Variants in ANK2 observed in about 807,000 individuals in gnomAD.
ANK2 encodes ankyrin-2.
A neutral mutation model predicts 360.5 loss-of-function variants in ANK2; 83 were observed. The observed-to-expected ratio is 0.23, with a 90% confidence interval of 0.19 to 0.28. ANK2 has a LOEUF of 0.28. Among genes scored for constraint, ANK2 ranks in the 10% least tolerant of loss-of-function variants. The probability of loss-of-function intolerance (pLI) is 1.00; values close to 1 mark genes in which losing one functional copy is unlikely to be tolerated. For missense variants in ANK2, 4,201 were observed against 4,795.7 expected, an observed-to-expected ratio of 0.88 and a Z score of 3.66; for synonymous variants, 1,740 against 1,759.5, an observed-to-expected ratio of 0.99 and a Z score of 0.28.
At chr4:112,879,457 G>A (rs2076130296) in intron 1 of ANK2, among the ~76,000 whole-genome samples, 1 of 152,092 alleles carries the variant, frequency 6.6e-6, no homozygotes, top group African/African-American at 2.4e-5. Context: ...ATCTATCCCA[G>A]GCAAGCCTTC....
intron 2 of ANK2, among the ~76,000 whole-genome samples, chr4:112,984,158 A>ATACT (rs2044074047): frequency 1.3e-5 from 2 of 152,342 alleles, no homozygotes; most frequent in Admixed American, 1.3e-4. Flanking sequence ...TATTTATTTA[A>ATACT]TACTTATATC....
In ANK2 at chr4:113,354,916, C is replaced by A. The variant is rs577303232; in HGVS notation, c.6298C>A (p.Pro2100Thr). ...HKIPEPVQSV[P>T]EEESHRESEV... ...AATACCTGAACCTGTTCAGTCAGTG[C>A]CTGAAGAAGAAAGCCACAGAGAGAG... Residue 2100 changes from proline to threonine, a missense_variant, in exon 38 of 46, where the codon CCT (proline) becomes ACT (threonine). Pro to Thr is a conservative substitution (Grantham distance 38). Around this residue, in one of 4 missense-constraint regions of ANK2, gnomAD observed 2,642 missense variants for 2,714.5 expected, o/e 0.97. Transcript: ENST00000357077. 6.2e-7 allele frequency: 1 copy of A among 1,614,000 alleles called. No homozygotes were observed. The highest frequency in any genetic ancestry group is 1.3e-5 in the African/African-American group (1 of 75,000).
intron 1 of ANK2, among the ~76,000 whole-genome samples, chr4:113,169,735 GTTA>G (rs1562581542): frequency 1.3e-5 from 2 of 152,108 alleles, no homozygotes; most frequent in Non-Finnish European, 2.9e-5. Flanking sequence ...GACCTCCAGT[GTTA>G]TTTTTATTAT....
At chr4:112,993,081 G>A (rs1032242832) in intron 2 of ANK2, among the ~76,000 whole-genome samples, 1 of 151,768 alleles carries the variant, frequency 6.6e-6, no homozygotes, top group Non-Finnish European at 1.5e-5. Flanking sequence ...CCATGAATTC[G>A]AGACCAGCCT....
At chr4:113,306,029 T>A (rs1387786761) in intron 23 of ANK2, among the ~76,000 whole-genome samples, 1 of 152,202 alleles carries the variant, frequency 6.6e-6, no homozygotes, top group African/African-American at 2.4e-5. Flanking sequence ...AAGTAATCCA[T>A]AATATCCACT....
rs758274171 is a variant in ANK2 at position 113,345,967 on chromosome 4, G to A, written c.4316G>A (p.Gly1439Asp). The A allele has an allele frequency of 6.2e-7, 1 of 1,613,716 alleles. No homozygotes were observed. Residue 1439 changes from glycine to aspartate, a missense_variant, in exon 35 of 46, where the codon GGC (glycine) becomes GAC (aspartate). Physicochemically the swap from Gly to Asp is moderately conservative, Grantham distance 94 (BLOSUM62 -1). Transcript: ENST00000357077. ...ATGAAGGAGCCAAAATCCACGAGAG[G>A]CCTGGTGCATCAAGCTATTTGCAAC... ...SFMKEPKSTRGLVHQAICNLN... is the reference protein window; with the variant it reads ...SFMKEPKSTRDLVHQAICNLN...
the ANK2 span, among the ~76,000 whole-genome samples, chr4:112,714,286 A>T: frequency 4.6e-5 from 7 of 152,138 alleles, no homozygotes; most frequent in Non-Finnish European, 7.4e-5. Context: ...GGGCTCAAGC[A>T]ATCCTTCTGC....
At chr4:113,246,250 A>G (rs1180343380) in intron 9 of ANK2, among the ~76,000 whole-genome samples, 1 of 152,152 alleles carries the variant, frequency 6.6e-6, no homozygotes, top group Non-Finnish European at 1.5e-5. Context: ...TTTCTCATTC[A>G]TAAGGTTTTT....
chr4:112,721,078 G>A, the ANK2 span, among the ~76,000 whole-genome samples: 1 of 152,170 alleles, frequency 6.6e-6, no homozygotes, highest in African/African-American at 2.4e-5. Context: ...AGAAGCCCAT[G>A]TTTGCCAGCT....
At chr4:112,731,805 A>C in the ANK2 span, among the ~76,000 whole-genome samples, 2 of 152,200 alleles carry the variant, frequency 1.3e-5, no homozygotes, top group Non-Finnish European at 2.9e-5. Context: ...AAAGTGCAGA[A>C]GCAAGGTCTC....
At chr4:113,020,348 A>G (rs531619653) in intron 2 of ANK2, among the ~76,000 whole-genome samples, 32 of 152,070 alleles carry the variant, frequency 2.1e-4, no homozygotes, top group African/African-American at 7.5e-4. Flanking sequence ...TACTGCCCCA[A>G]GCTAATTTAT....
chr4:113,218,681 T>G (rs191717258), intron 4 of ANK2, among the ~76,000 whole-genome samples: 14 of 152,294 alleles, frequency 9.2e-5, no homozygotes, highest in African/African-American at 2.9e-4. Flanking sequence ...TTAGGTGTGT[T>G]TTTAAAAACT....
chr4:113,263,593 T>G (rs29415), intron 13 of ANK2, among the ~76,000 whole-genome samples: 5,072 of 152,318 alleles, frequency 0.033, 111 homozygotes, highest in East Asian at 0.068. Flanking sequence ...AAATTAAAGT[T>G]CACCTTAAAG....
chr4:112,782,052 A>T, the ANK2 span, among the ~76,000 whole-genome samples: 1 of 151,622 alleles, frequency 6.6e-6, no homozygotes, highest in Non-Finnish European at 1.5e-5. Flanking sequence ...CTAGTCTCGA[A>T]CTCCTGACCT....
chr4:112,868,061 A>G (rs1161508447), intron 1 of ANK2, among the ~76,000 whole-genome samples: 2 of 152,064 alleles, frequency 1.3e-5, no homozygotes, highest in African/African-American at 2.4e-5. Context: ...CCTCGCTAAC[A>G]TTTGTTATTA....
chr4:113,346,039 T>C lies in ANK2; in HGVS notation c.4371+17T>C. The C allele has an allele frequency of 6.2e-7, 1 of 1,612,770 alleles. No homozygotes were observed. On this transcript the variant is annotated intron_variant, in intron 35 of 45. Transcript: ENST00000357077. ...TATACAAAGGTATCGTAAAATCTGC[T>C]ATAGTGCAATTCAGGTAGAGTAGGA...
Position 113,358,756 on chromosome 4 carries a change from G to A in ANK2, c.10138G>A (p.Ala3380Thr), listed in dbSNP as rs1214453791. The A allele has an allele frequency of 1.9e-6, 3 of 1,613,968 alleles. No homozygotes were observed. Among genetic ancestry groups the A allele is most frequent in the African/African-American group, 2.7e-5 (2 of 74,898 alleles). ...AGTGGCTCCTCAGGGACAGGACATG[G>A]CAAGCATCGCACCAGATAATAGAAG... is the stretch of plus-strand genomic sequence containing the variant. Reference protein sequence around the residue: ...KTVAPQGQDMASIAPDNRSKS... With the variant: ...KTVAPQGQDMTSIAPDNRSKS... The change falls in exon 38 of 46, where the codon GCA becomes ACA. Residue 3380 changes from alanine (A) to threonine (T), a missense_variant. Around this residue, in one of 4 missense-constraint regions of ANK2, gnomAD observed 2,642 missense variants for 2,714.5 expected, o/e 0.97. Transcript: ENST00000357077.
At chr4:112,941,332 A>C (rs1212870542) in intron 2 of ANK2, among the ~76,000 whole-genome samples, 1 of 146,704 alleles carries the variant, frequency 6.8e-6, no homozygotes, top group Middle Eastern at 4.2e-3. Context: ...ATATAAATAT[A>C]CTACATATAA....
intron 18 of ANK2, 123 bp downstream of exon 18, chr4:113,282,995 C>T: frequency 9.2e-7 from 1 of 1,091,958 alleles, no homozygotes; most frequent in Middle Eastern, 2.8e-4. Context: ...ATCTTACAGA[C>T]CCCAAGGACA....
Sources: allele counts gnomAD v4.1 joint callset (sites outside exome capture counted in the v4.1 genomes callset), GRCh38; gene constraint gnomAD v4.1.1; regional missense constraint gnomAD v4.1.1; transcripts MANE v1.5; gene names NCBI Gene and HGNC (gene_info 2026-07-23, HGNC 2026-07-21).